Variants in UBE2E2 observed in about 807,000 individuals in gnomAD.
The protein encoded by UBE2E2 is ubiquitin-conjugating enzyme E2 E2.
Under a neutral mutation model 24.7 loss-of-function variants are expected in UBE2E2, and 6 were observed. That is an observed-to-expected ratio of 0.24 (90% CI 0.13 to 0.48). UBE2E2 has a LOEUF of 0.48. Among genes scored for constraint, UBE2E2 ranks in the 20% least tolerant of loss-of-function variants. The probability of loss-of-function intolerance (pLI) is 0.99; values close to 1 mark genes in which losing one functional copy is unlikely to be tolerated. For synonymous variants in UBE2E2, 104 were observed against 83.6 expected (o/e 1.24, Z -1.33); for missense variants, 169 against 245.0 (o/e 0.69, Z 2.07).
At position 23,298,242 on chromosome 3, in the gene UBE2E2, A is replaced by G. The variant is rs539216084; in HGVS notation, c.227+80930A>G. Reference sequence around the variant, plus strand: ...ATCATGTCGTCTGCAAACAGGGACAATTTGACTTCCTCTTTTCCTAATTGA... The same window carrying G: ...ATCATGTCGTCTGCAAACAGGGACAGTTTGACTTCCTCTTTTCCTAATTGA... On this transcript the variant is annotated intron_variant, in intron 3 of 5. Transcript: ENST00000396703. Among the ~76,000 whole-genome samples, 152 of 152,286 alleles carry G rather than the reference A, an allele frequency of 1.0e-3. 2 individuals are homozygous for G. The highest frequency in any genetic ancestry group is 3.4e-3 in the African/African-American group (143 of 41,552).
At position 23,363,276 on chromosome 3, in the gene UBE2E2, A is replaced by G. The variant is rs532561807; in HGVS notation, c.228-136332A>G. On this transcript the variant is annotated intron_variant, in intron 3 of 5. Transcript: ENST00000396703. ...GTGATAACCAGCTAACAACATGATG[A>G]TGAAATCAGACCTGCATATACCAAT... Among the ~76,000 whole-genome samples the G allele has an allele frequency of 2.0e-5, 3 of 152,356 alleles. No individual in the cohort carries two copies. In the South Asian group the frequency reaches 6.2e-4, roughly 32 times the overall value.
intron 5 of UBE2E2, among the ~76,000 whole-genome samples, chr3:23,556,790 A>G (rs1301580336): frequency 6.6e-6 from 1 of 152,178 alleles, no homozygotes; most frequent in Non-Finnish European, 1.5e-5. Context: ...AACTCATAAT[A>G]ATCTATATAA....
At chr3:23,464,251 C>G (rs944885971) in intron 3 of UBE2E2, among the ~76,000 whole-genome samples, 2 of 152,086 alleles carry the variant, frequency 1.3e-5, no homozygotes, top group African/African-American at 2.4e-5. Flanking sequence ...AATGTACTTA[C>G]TAGTTTTATC....
At position 23,349,549 on chromosome 3, in the gene UBE2E2, C is replaced by T. The variant is rs554182276; in HGVS notation, c.227+132237C>T. 3.9e-5 allele frequency among the ~76,000 whole-genome samples: 6 copies of T among 152,342 alleles called. No homozygotes were observed. The East Asian group carries it at 5.8e-4, about 15-fold the overall frequency. On this transcript the variant is annotated intron_variant, in intron 3 of 5. Transcript: ENST00000396703. ...CCATCCTAATACTGCGCTTTTCTGA[C>T]GGGCTTAAAAAACGGCGCACCAGGA... is the stretch of plus-strand genomic sequence containing the variant.
At chr3:23,220,473 C>T (rs757680252) in intron 3 of UBE2E2, among the ~76,000 whole-genome samples, 17 of 152,070 alleles carry the variant, frequency 1.1e-4, no homozygotes, top group Admixed American at 3.3e-4. Context: ...GTCTGTAGGG[C>T]CATAGGCATA....
chr3:23,554,555 A>G (rs1056149384), intron 5 of UBE2E2, among the ~76,000 whole-genome samples: 1 of 152,118 alleles, frequency 6.6e-6, no homozygotes, highest in Non-Finnish European at 1.5e-5. Context: ...TTTATCTTAC[A>G]CTATACACGA....
In UBE2E2 at chr3:23,300,067, C is replaced by A. The variant is rs375861339; in HGVS notation, c.227+82755C>A. Among the ~76,000 whole-genome samples the A allele has an allele frequency of 8.6e-5, 13 of 151,934 alleles. No homozygotes were observed. The East Asian group carries it at 2.1e-3, about 25-fold the overall frequency. ...CCTTCTTTGTCTCTTTTGATCTTTG[C>A]TGGTTTAAAGTCTGTTTTATCAGAG... On this transcript the variant is annotated intron_variant, in intron 3 of 5. Transcript: ENST00000396703.
chr3:23,466,435 G>A (rs1698920178), intron 3 of UBE2E2, among the ~76,000 whole-genome samples: 1 of 152,116 alleles, frequency 6.6e-6, no homozygotes, highest in South Asian at 2.1e-4. Context: ...ACTTTGGATT[G>A]GCTATTACTT....
intron 3 of UBE2E2, among the ~76,000 whole-genome samples, chr3:23,259,268 G>C (rs1255648603): frequency 6.6e-6 from 1 of 152,118 alleles, no homozygotes; most frequent in African/African-American, 2.4e-5. Flanking sequence ...TGTGTTCATG[G>C]CCATGAACTA....
At chr3:23,217,449 G>A in intron 3 of UBE2E2, 137 bp downstream of exon 3, 1 of 785,208 alleles carries the variant, frequency 1.3e-6, no homozygotes, top group Non-Finnish European at 2.1e-6. Flanking sequence ...AGTGACTGTG[G>A]AAGACAATGG....
intron 5 of UBE2E2, among the ~76,000 whole-genome samples, chr3:23,567,384 G>A (rs1266868541): frequency 7.9e-5 from 12 of 152,298 alleles, no homozygotes; most frequent in African/African-American, 2.6e-4. Context: ...GTATGTTCGA[G>A]TTCAGGCAAG....
chr3:23,424,125 A>C (rs535439030), intron 3 of UBE2E2, among the ~76,000 whole-genome samples: 1 of 152,362 alleles, frequency 6.6e-6, no homozygotes, highest in African/African-American at 2.4e-5. Context: ...TAAATTCCAC[A>C]GTTATTTATT....
chr3:23,228,422 T>A (rs1371471902), intron 3 of UBE2E2, among the ~76,000 whole-genome samples: 2 of 152,306 alleles, frequency 1.3e-5, no homozygotes, highest in East Asian at 3.9e-4. Flanking sequence ...ACTTTAGAGA[T>A]AGGAAGTGTC....
In UBE2E2 at chr3:23,383,473, C is replaced by CTT. The variant is rs34970044; in HGVS notation, c.228-116125_228-116124dup. 3.1e-4 allele frequency among the ~76,000 whole-genome samples: 46 copies of CTT among 149,272 alleles called. 1 individual carries two copies. In the South Asian group the frequency reaches 6.3e-3, roughly 21 times the overall value. ...TTTAAGAGATGAGCATTTTATCCCCCTTTTTTTTTTTCTGTTTAACTGGTA... is the reference window on the plus strand; with the variant it reads ...TTTAAGAGATGAGCATTTTATCCCCCTTTTTTTTTTTTTCTGTTTAACTGGTA... On this transcript the variant is annotated intron_variant, in intron 3 of 5. Transcript: ENST00000396703.
At chr3:23,224,207 T>C (rs1022193089) in intron 3 of UBE2E2, among the ~76,000 whole-genome samples, 2 of 146,776 alleles carry the variant, frequency 1.4e-5, no homozygotes, top group Non-Finnish European at 3.0e-5. Flanking sequence ...ATGTTATTGG[T>C]ATTTTGATAA....
At chr3:23,318,331 A>G (rs1346409565) in intron 3 of UBE2E2, among the ~76,000 whole-genome samples, 1 of 152,138 alleles carries the variant, frequency 6.6e-6, no homozygotes, top group African/African-American at 2.4e-5. Context: ...CCTTTCATTA[A>G]ATGGAAGCCA....
chr3:23,480,801 G>C (rs1699243999), intron 3 of UBE2E2, among the ~76,000 whole-genome samples: 1 of 152,186 alleles, frequency 6.6e-6, no homozygotes, highest in African/African-American at 2.4e-5. Flanking sequence ...AACAGAAATA[G>C]AGGAAAGGGC....
At position 23,241,117 on chromosome 3, in the gene UBE2E2, A is replaced by G. The variant is rs540122879; in HGVS notation, c.227+23805A>G. The stretch of plus-strand genomic sequence containing the variant: ...TGCTTCACCCAGTCTTTTTCATTTC[A>G]GTTAATAGCAAATCTGTCTTTCCAT... On this transcript the variant is annotated intron_variant, in intron 3 of 5. Coordinates refer to ENST00000396703, the MANE Select transcript of UBE2E2 (RefSeq NM_152653.4). Among the ~76,000 whole-genome samples, 54 of 152,220 alleles carry G rather than the reference A, an allele frequency of 3.5e-4. 1 individual carries two copies. Among genetic ancestry groups the G allele is most frequent in the Middle Eastern group, 3.4e-3 (1 of 294 alleles).
At chr3:23,533,180 C>T (rs1232282712) in intron 5 of UBE2E2, among the ~76,000 whole-genome samples, 2 of 152,104 alleles carry the variant, frequency 1.3e-5, no homozygotes, top group Non-Finnish European at 2.9e-5. Context: ...ATGGTCTGTT[C>T]TAGGAAATAC....
Sources: allele counts gnomAD v4.1 joint callset (sites outside exome capture counted in the v4.1 genomes callset), GRCh38; gene constraint gnomAD v4.1.1; transcripts MANE v1.5; gene names NCBI Gene and HGNC (gene_info 2026-07-23, HGNC 2026-07-21).